The following TMC1 variants were observed in gnomAD, a reference collection of about 807,000 sequenced individuals.
TMC1 encodes transmembrane channel-like protein 1.
Under a neutral mutation model 105.8 loss-of-function variants are expected in TMC1, and 84 were observed. The ratio of observed to expected loss-of-function variants is 0.79; its 90% CI spans 0.67 to 0.95. The LOEUF is 0.95. Ranked by LOEUF, TMC1 falls within the 40% of genes least tolerant of loss-of-function variation. TMC1 has a pLI of 0.00. For missense variants in TMC1, 817 were observed against 914.1 expected (o/e 0.89, Z 1.37); for synonymous variants, 315 against 311.5 (o/e 1.01, Z -0.12).
Position 72,538,489 on chromosome 9 carries a change from T to C in TMC1, c.-428+16576T>C, listed in dbSNP as rs1285993499. Among the ~76,000 whole-genome samples, 4 of 151,408 alleles carry C rather than the reference T, an allele frequency of 2.6e-5. No homozygotes were observed. The East Asian group carries it at 7.7e-4, about 29-fold the overall frequency. On this transcript the variant is annotated intron_variant, in intron 1 of 23. Transcript: ENST00000297784. ...CCTTGCTCTGTCATCCAGGCTGGAG[T>C]GCAGTGGCACGATCTCGGCTCACTG...
intron 4 of TMC1, among the ~76,000 whole-genome samples, chr9:72,630,265 T>C (rs1002551594): frequency 6.6e-6 from 1 of 152,228 alleles, no homozygotes; most frequent in African/African-American, 2.4e-5. Context: ...CTAGGTGTTA[T>C]TGGTAATTAA....
At chr9:72,604,056 G>A (rs1031607997) in intron 2 of TMC1, among the ~76,000 whole-genome samples, 2 of 151,614 alleles carry the variant, frequency 1.3e-5, no homozygotes, top group Non-Finnish European at 2.9e-5. Context: ...AGTAGAGATG[G>A]GATTTCACCA....
chr9:72,555,282 A>G lies in TMC1; in HGVS notation c.-427-22620A>G, dbSNP rs143005989. ...ACGTTCTCCGCTCACAGCAACCTCCATCTCCCGGGTTCAAGTGATTCTCCT... is the reference window on the plus strand; with the variant it reads ...ACGTTCTCCGCTCACAGCAACCTCCGTCTCCCGGGTTCAAGTGATTCTCCT... On this transcript the variant is annotated intron_variant, in intron 1 of 23. Coordinates refer to ENST00000297784, the MANE Select transcript of TMC1 (RefSeq NM_138691.3). Among the ~76,000 whole-genome samples the G allele has an allele frequency of 2.4e-3, 340 of 143,172 alleles. 3 individuals are homozygous for G. The highest frequency in any genetic ancestry group is 8.5e-3 in the African/African-American group (327 of 38,368). 93.9% of individuals were successfully genotyped at this position (143,172 alleles called of 152,430 possible).
intron 1 of TMC1, among the ~76,000 whole-genome samples, chr9:72,555,479 G>T (rs1283943878): frequency 6.6e-6 from 1 of 151,248 alleles, no homozygotes; most frequent in Non-Finnish European, 1.5e-5. Context: ...GAGATACTGC[G>T]CCCGGCCCAT....
At chr9:72,798,945 G>A (rs1331136635) in intron 17 of TMC1, among the ~76,000 whole-genome samples, 1 of 151,836 alleles carries the variant, frequency 6.6e-6, no homozygotes, top group Non-Finnish European at 1.5e-5. Flanking sequence ...ACTATTTTAA[G>A]TTATTTGTTT....
intron 1 of TMC1, among the ~76,000 whole-genome samples, chr9:72,546,814 A>G (rs887473962): frequency 6.6e-6 from 1 of 152,188 alleles, no homozygotes; most frequent in African/African-American, 2.4e-5. Context: ...AGAAAAATCT[A>G]CTGATTTTCT....
At chr9:72,600,750 A>G (rs1824795969) in intron 2 of TMC1, among the ~76,000 whole-genome samples, 1 of 152,178 alleles carries the variant, frequency 6.6e-6, no homozygotes, top group African/African-American at 2.4e-5. Flanking sequence ...TTATATTAAA[A>G]TTTATTTCCT....
At chr9:72,628,756 A>G (rs777381125) in intron 4 of TMC1, among the ~76,000 whole-genome samples, 4 of 152,228 alleles carry the variant, frequency 2.6e-5, no homozygotes, top group Non-Finnish European at 5.9e-5. Context: ...AGATAATTGG[A>G]TCATGTGTTA....
intron 17 of TMC1, among the ~76,000 whole-genome samples, chr9:72,795,293 C>T (rs2118205592): frequency 6.6e-6 from 1 of 152,230 alleles, no homozygotes. Context: ...TTAGGAAATA[C>T]AGAGAATTCC....
chr9:72,641,789 G>T, intron 4 of TMC1, among the ~76,000 whole-genome samples: 1 of 144,042 alleles, frequency 6.9e-6, no homozygotes, highest in Non-Finnish European at 1.5e-5. Flanking sequence ...ATAAAAATAT[G>T]CTTATAAGGT....
intron 21 of TMC1, among the ~76,000 whole-genome samples, chr9:72,828,427 A>ACG (rs894060874): frequency 6.6e-5 from 10 of 151,944 alleles, no homozygotes; most frequent in African/African-American, 2.4e-4. Context: ...TAAAACACAC[A>ACG]CACACACACA....
rs1828280504 is a variant in TMC1 at position 72,792,077 on chromosome 9, T to C, written c.1404+12T>C. On this transcript the variant is annotated intron_variant, in intron 16 of 23. Coordinates refer to ENST00000297784, the MANE Select transcript of TMC1 (RefSeq NM_138691.3). Reference sequence around the variant, plus strand: ...AGATTAACAACAAGGTAAGCCTTGTTTCTGGATTGTCCTTGCCATAAGAGT... The same window carrying C: ...AGATTAACAACAAGGTAAGCCTTGTCTCTGGATTGTCCTTGCCATAAGAGT... The C allele has an allele frequency of 6.2e-7, 1 of 1,613,952 alleles. No individual in the cohort carries two copies. The highest frequency in any genetic ancestry group is 1.3e-5 in the African/African-American group (1 of 74,924).
chr9:72,804,691 T>C (rs1328469397), intron 17 of TMC1, among the ~76,000 whole-genome samples: 1 of 152,226 alleles, frequency 6.6e-6, no homozygotes, highest in Non-Finnish European at 1.5e-5. Context: ...TAAAATGTGA[T>C]GGATCTTAAC....
chr9:72,820,495 G>A (rs191096878), intron 19 of TMC1, among the ~76,000 whole-genome samples: 1 of 152,064 alleles, frequency 6.6e-6, no homozygotes, highest in Admixed American at 6.5e-5. Flanking sequence ...TAAGTGTTGG[G>A]GAAAGTTTAT....
Position 72,751,878 on chromosome 9 carries a change from C to A in TMC1, c.564C>A (p.Tyr188Ter), listed in dbSNP as rs1178631956. 1.2e-6 allele frequency: 2 copies of A among 1,613,104 alleles called. No individual in the cohort carries two copies. The highest frequency in any genetic ancestry group is 1.7e-6 in the Non-Finnish European group (2 of 1,179,296). Residue 188 changes from tyrosine to a stop codon, truncating the protein, a stop_gained, in exon 11 of 24, where the codon TAC becomes TAA. Transcript: ENST00000297784. LOFTEE classifies it high-confidence loss of function. The stretch of plus-strand genomic sequence containing the variant: ...AGTTTGGCTCCTCAGTGGCCTCATA[C>A]TTCCTCTTCTTGAGATGGATGTATG... ...ESQFGSSVASYFLFLRWMYGV... is the reference protein window; with the variant it reads ...ESQFGSSVAS
intron 2 of TMC1, among the ~76,000 whole-genome samples, chr9:72,596,684 C>A (rs1490486725): frequency 6.6e-6 from 1 of 152,052 alleles, no homozygotes; most frequent in Non-Finnish European, 1.5e-5. Context: ...ACATACCGTT[C>A]TTCGTGAAAA....
At chr9:72,586,557 C>T (rs1039556491) in intron 2 of TMC1, among the ~76,000 whole-genome samples, 3 of 152,124 alleles carry the variant, frequency 2.0e-5, no homozygotes, top group African/African-American at 7.2e-5. Context: ...ACCCTACGTG[C>T]GAAGGTTGCT....
At chr9:72,533,927 C>T (rs1823537457) in intron 1 of TMC1, among the ~76,000 whole-genome samples, 1 of 152,062 alleles carries the variant, frequency 6.6e-6, no homozygotes, top group African/African-American at 2.4e-5. Context: ...GAGGCCAGGA[C>T]TTTAAGACCA....
At chr9:72,789,427 T>C (rs2118182152) in intron 15 of TMC1, 110 bp downstream of exon 15, 2 of 1,041,192 alleles carry the variant, frequency 1.9e-6, no homozygotes, top group South Asian at 1.3e-5. Flanking sequence ...CTATCCCCTA[T>C]CCTGCCCTTA....
Sources: gnomAD v4.1 joint callset for allele counts (sites outside exome capture counted in the v4.1 genomes callset) on GRCh38, gnomAD v4.1.1 for gene constraint, MANE v1.5 for transcripts, NCBI Gene and HGNC (gene_info 2026-07-23, HGNC 2026-07-21) for gene names.